Variants in SLC44A5 observed in about 807,000 individuals in gnomAD.
SLC44A5 encodes choline transporter-like protein 5.
SLC44A5 carries 57 observed loss-of-function variants against 101.8 expected under a neutral mutation model. That is an observed-to-expected ratio of 0.56 (90% CI 0.45 to 0.70). The LOEUF (loss-of-function observed/expected upper bound fraction) is 0.70. SLC44A5 is among the 30% of genes least tolerant of loss of function. The probability of loss-of-function intolerance (pLI) is 0.00; values close to 1 mark genes in which losing one functional copy is unlikely to be tolerated. For synonymous variants in SLC44A5, 281 were observed against 290.9 expected, an observed-to-expected ratio of 0.97 and a Z score of 0.35; for missense variants, 737 against 853.1, an observed-to-expected ratio of 0.86 and a Z score of 1.70.
chr1:75,402,958 G>A (rs2165950), intron 2 of SLC44A5, among the ~76,000 whole-genome samples: 7 of 151,996 alleles, frequency 4.6e-5, no homozygotes, highest in Non-Finnish European at 8.8e-5. Context: ...CGAAATTCTC[G>A]CTGACAGCAC....
Position 75,400,216 on chromosome 1 carries a change from A to G in SLC44A5, c.14-3595T>C, listed in dbSNP as rs561094086. Among the ~76,000 whole-genome samples the G allele has an allele frequency of 8.5e-5, 13 of 152,334 alleles. No homozygotes were observed. The South Asian group carries it at 2.7e-3, about 32-fold the overall frequency. On this transcript the variant is annotated intron_variant, in intron 2 of 23. Coordinates refer to ENST00000370859, the MANE Select transcript of SLC44A5 (RefSeq NM_001130058.2). ...GGAAAGGATGGGGATACAAGGGTTGACAAACAACATATTAGGTACTATGTT... is the reference window on the plus strand; with the variant it reads ...GGAAAGGATGGGGATACAAGGGTTGGCAAACAACATATTAGGTACTATGTT...
intron 1 of SLC44A5, among the ~76,000 whole-genome samples, chr1:75,594,039 T>A (rs1464230197): frequency 6.6e-6 from 1 of 152,012 alleles, no homozygotes; most frequent in African/African-American, 2.4e-5. Flanking sequence ...AGAAGATGAA[T>A]ACCCTATTCT....
chr1:75,714,305 GAA>G, the SLC44A5 span, among the ~76,000 whole-genome samples: 6 of 152,132 alleles, frequency 3.9e-5, no homozygotes, highest in African/African-American at 1.4e-4. Flanking sequence ...AGTAGATACA[GAA>G]AAGTCTTGAT....
At chr1:75,645,148 A>G in the SLC44A5 span, among the ~76,000 whole-genome samples, 90 of 152,060 alleles carry the variant, frequency 5.9e-4, no homozygotes, top group Non-Finnish European at 1.2e-3. Flanking sequence ...ACCCAGTAAT[A>G]GGATGGCTGG....
chr1:75,385,246 T>C (rs1444806999), intron 3 of SLC44A5, among the ~76,000 whole-genome samples: 1 of 142,002 alleles, frequency 7.0e-6, no homozygotes, highest in Non-Finnish European at 1.5e-5. Context: ...AAAAAACCCT[T>C]CAAAAAATTA....
chr1:75,282,658 C>T (rs1434078352), intron 5 of SLC44A5, among the ~76,000 whole-genome samples: 4 of 152,064 alleles, frequency 2.6e-5, no homozygotes, highest in African/African-American at 4.8e-5. Flanking sequence ...GCAGTTTCGC[C>T]GTGCTGTTCT....
chr1:75,676,196 C>A, the SLC44A5 span, among the ~76,000 whole-genome samples: 1 of 152,124 alleles, frequency 6.6e-6, no homozygotes, highest in Non-Finnish European at 1.5e-5. Context: ...CCATTACTGG[C>A]TACATACCCA....
intron 23 of SLC44A5, among the ~76,000 whole-genome samples, chr1:75,211,201 C>T (rs1646846043): frequency 6.6e-6 from 1 of 152,180 alleles, no homozygotes; most frequent in Non-Finnish European, 1.5e-5. Context: ...TGGTCATCAC[C>T]CCTCTACTCT....
chr1:75,703,550 T>TGTTAAATGTTG, the SLC44A5 span, among the ~76,000 whole-genome samples: 2 of 151,946 alleles, frequency 1.3e-5, no homozygotes, highest in Admixed American at 1.3e-4. Flanking sequence ...TTAGGAGATA[T>TGTTAAATGTTG]ACCTAATGTT....
chr1:75,209,994 G>T (rs1646821663), intron 23 of SLC44A5, among the ~76,000 whole-genome samples: 2 of 152,050 alleles, frequency 1.3e-5, no homozygotes, highest in Admixed American at 6.6e-5. Context: ...TTAAGCTTCT[G>T]CTAGGTACTA....
chr1:75,656,451 C>T, the SLC44A5 span, among the ~76,000 whole-genome samples: 1 of 152,056 alleles, frequency 6.6e-6, no homozygotes, highest in African/African-American at 2.4e-5. Context: ...ATAACTACAA[C>T]AATTTGTTGA....
chr1:75,434,035 G>A (rs573499471), intron 2 of SLC44A5, among the ~76,000 whole-genome samples: 9 of 151,986 alleles, frequency 5.9e-5, no homozygotes, highest in East Asian at 1.9e-4. Context: ...GGCCCCTCCC[G>A]CAACACATGG....
At position 75,213,931 on chromosome 1, in the gene SLC44A5, C is replaced by A; in HGVS notation, c.1861G>T (p.Ala621Ser). Residue 621 changes from alanine to serine, a missense_variant, in exon 21 of 24, where the codon GCT (alanine) becomes TCT (serine). By Grantham distance (99) the Ala-to-Ser change is moderately conservative (BLOSUM62 1). This residue lies in a region of SLC44A5 where 665 missense variants were observed against 764.4 expected (regional missense o/e 0.87). Transcript: ENST00000370859. ...FVLFLGKLLV[A>S]GSIGVLAFLF... is the part of the protein sequence containing the mutation. ...CATGATTACTTACCTATACTTCCAG[C>A]AACTAGAAGTTTCCCCAGGAATAAT... The A allele has an allele frequency of 6.3e-7, 1 of 1,589,442 alleles. No homozygotes were observed. The highest frequency in any genetic ancestry group is 1.1e-5 in the South Asian group (1 of 87,316).
intron 4 of SLC44A5, among the ~76,000 whole-genome samples, chr1:75,334,931 T>C (rs1238754787): frequency 1.3e-5 from 2 of 152,156 alleles, no homozygotes; most frequent in Admixed American, 6.5e-5. Flanking sequence ...TAATACCACG[T>C]TGTAGTTAGT....
chr1:75,544,943 G>A (rs929320301), intron 1 of SLC44A5, among the ~76,000 whole-genome samples: 1 of 152,024 alleles, frequency 6.6e-6, no homozygotes, highest in Non-Finnish European at 1.5e-5. Context: ...GTGCCATGGT[G>A]GTTTGCTGCA....
chr1:75,631,401 C>T, the SLC44A5 span, among the ~76,000 whole-genome samples: 1 of 152,020 alleles, frequency 6.6e-6, no homozygotes, highest in Non-Finnish European at 1.5e-5. Flanking sequence ...GAGACAGGGT[C>T]TCACTCTGTC....
At chr1:75,230,785 T>G (rs556570839) in intron 12 of SLC44A5, among the ~76,000 whole-genome samples, 1 of 152,174 alleles carries the variant, frequency 6.6e-6, no homozygotes, top group African/African-American at 2.4e-5. Flanking sequence ...CCCAGCTAAT[T>G]TTTGTATTTT....
Position 75,240,267 on chromosome 1 carries a change from A to G in SLC44A5, c.533-1631T>C, listed in dbSNP as rs562583768. Among the ~76,000 whole-genome samples the G allele has an allele frequency of 2.0e-5, 3 of 152,172 alleles. No individual in the cohort carries two copies. The East Asian group carries it at 5.8e-4, about 29-fold the overall frequency. ...TGTTTTCCCTTGTTTACTTGTTTTA[A>G]CCTTACTTATTTCCTTTTATGAGCT... is the stretch of plus-strand genomic sequence containing the variant. On this transcript the variant is annotated intron_variant, in intron 9 of 23. Transcript: ENST00000370859.
At chr1:75,417,920 C>A (rs540992279) in intron 2 of SLC44A5, among the ~76,000 whole-genome samples, 16 of 152,164 alleles carry the variant, frequency 1.1e-4, no homozygotes, top group Admixed American at 3.3e-4. Context: ...TTTGTAGTAA[C>A]TAAAAAGCAA....
Sources: allele counts gnomAD v4.1 joint callset (sites outside exome capture counted in the v4.1 genomes callset), GRCh38; gene constraint gnomAD v4.1.1; regional missense constraint gnomAD v4.1.1; transcripts MANE v1.5; gene names NCBI Gene and HGNC (gene_info 2026-07-23, HGNC 2026-07-21).